The following RPS6KB1 variants were observed in gnomAD, a reference collection of about 807,000 sequenced individuals.
RPS6KB1 encodes ribosomal protein S6 kinase beta-1.
In RPS6KB1, 12 loss-of-function variants were observed where a neutral mutation model predicts 70.2. The ratio of observed to expected loss-of-function variants is 0.17; its 90% CI spans 0.11 to 0.28. RPS6KB1 has a LOEUF of 0.28. RPS6KB1 is among the 10% of genes least tolerant of loss of function. The pLI is 1.00. For missense variants in RPS6KB1, 270 were observed against 646.6 expected (o/e 0.42, Z 6.32); for synonymous variants, 175 against 211.2 (o/e 0.83, Z 1.49).
intron 12 of RPS6KB1, among the ~76,000 whole-genome samples, chr17:59,939,134 AATAAT>A (rs545710599): frequency 3.7e-4 from 57 of 152,136 alleles, no homozygotes; most frequent in African/African-American, 1.3e-3. Flanking sequence ...TAGTTTTCAA[AATAAT>A]GAATTAGTTC....
intron 4 of RPS6KB1, among the ~76,000 whole-genome samples, chr17:59,918,776 T>C (rs2043107388): frequency 6.6e-6 from 1 of 152,108 alleles, no homozygotes; most frequent in South Asian, 2.1e-4. Context: ...TTTAGTCACT[T>C]TGTTCCATGT....
Position 59,930,173 on chromosome 17 carries a change from T to G in RPS6KB1, c.586T>G (p.Cys196Gly). Residue 196 changes from cysteine to glycine, a missense_variant and splice_region_variant, in exon 6 of 15, where the codon TGC becomes GGC. Around this residue, in one of 4 missense-constraint regions of RPS6KB1, gnomAD observed 21 missense variants for 135.9 expected, o/e 0.15. Coordinates refer to ENST00000225577, the MANE Select transcript of RPS6KB1 (RefSeq NM_003161.4). ...GGGAATATTTATGGAAGACACTGCC[T>G]GGTAAGTGAACTTTTTGTGGTTGCA... is the stretch of plus-strand genomic sequence containing the variant. The part of the protein sequence containing the change: ...REGIFMEDTA[C>G]FYLAEISMAL... 1 of 1,517,890 alleles carries G rather than the reference T, an allele frequency of 6.6e-7. No homozygotes were observed. Among genetic ancestry groups the G allele is most frequent in the Non-Finnish European group, 9.2e-7 (1 of 1,092,336 alleles). 94.0% of individuals were successfully genotyped at this position (1,517,890 alleles called of 1,614,324 possible). A position where few individuals can be genotyped will look rare whatever the true frequency, so the allele number is the denominator to read the frequency against.
Position 59,893,233 on chromosome 17 carries a change from C to T in RPS6KB1, c.49C>T (p.Arg17Ter), listed in dbSNP as rs1231145816. Residue 17 changes from arginine to a stop codon, truncating the protein, a stop_gained, in exon 1 of 15, where the codon CGA becomes TGA. Transcript: ENST00000225577. LOFTEE classifies it high-confidence loss of function. The surrounding 1 kb of genome is among the most constrained non-coding windows in gnomAD (Gnocchi z 4.1). ...CGGCTTTTACCCAGCCCCGGACTTC[C>T]GAGACAGGGAAGCTGAGGACATGGC... is the stretch of plus-strand genomic sequence containing the variant. ...RDGFYPAPDF[R>*]DREAEDMAGV... The T allele has an allele frequency of 7.4e-6, 12 of 1,612,332 alleles. No individual in the cohort carries two copies. The highest frequency in any genetic ancestry group is 1.0e-5 in the Non-Finnish European group (12 of 1,179,430).
intron 1 of RPS6KB1, among the ~76,000 whole-genome samples, chr17:59,895,700 T>G (rs8070087): frequency 0.042 from 6,382 of 152,046 alleles, 465 homozygotes; most frequent in African/African-American, 0.15. Flanking sequence ...TGGCCTGATC[T>G]CGGCTCACTG....
At chr17:59,943,795 G>A (rs954333139) in intron 13 of RPS6KB1, among the ~76,000 whole-genome samples, 5 of 150,674 alleles carry the variant, frequency 3.3e-5, no homozygotes, top group Admixed American at 6.6e-5. Flanking sequence ...GCTTGAACCC[G>A]GGAGGAGGAG....
intron 1 of RPS6KB1, among the ~76,000 whole-genome samples, chr17:59,902,503 C>T (rs1356800999): frequency 2.6e-5 from 4 of 151,576 alleles, no homozygotes; most frequent in African/African-American, 4.8e-5. Flanking sequence ...TTTGTTTATC[C>T]ATTTACCGGT....
chr17:59,915,502 G>C (rs1377737748), intron 4 of RPS6KB1, among the ~76,000 whole-genome samples: 2 of 151,774 alleles, frequency 1.3e-5, no homozygotes, highest in Non-Finnish European at 2.9e-5. Flanking sequence ...CTCTCACTCT[G>C]TTGTCCAGGC....
At chr17:59,936,304 G>T (rs1455928871) in intron 11 of RPS6KB1, 27 bp downstream of exon 11, 1 of 1,581,324 alleles carries the variant, frequency 6.3e-7, no homozygotes, top group African/African-American at 1.4e-5. Flanking sequence ...TTGGTGTTTT[G>T]TGGGGAAGAT....
At chr17:59,896,016 G>A (rs1313760314) in intron 1 of RPS6KB1, among the ~76,000 whole-genome samples, 1 of 152,130 alleles carries the variant, frequency 6.6e-6, no homozygotes. Flanking sequence ...GTTACAATTG[G>A]AAACAAATAT....
intron 5 of RPS6KB1, among the ~76,000 whole-genome samples, chr17:59,928,297 C>T (rs2043739980): frequency 6.6e-6 from 1 of 151,996 alleles, no homozygotes; most frequent in South Asian, 2.1e-4. Flanking sequence ...TGCATGCATA[C>T]ATAATTGTTT....
chr17:59,925,518 T>C (rs1307387525), intron 4 of RPS6KB1, among the ~76,000 whole-genome samples: 2 of 152,204 alleles, frequency 1.3e-5, no homozygotes, highest in East Asian at 1.9e-4. Flanking sequence ...CATTTTCTTA[T>C]AGATCTTCTT....
intron 4 of RPS6KB1, among the ~76,000 whole-genome samples, chr17:59,919,744 CTG>C (rs1343992239): frequency 6.6e-6 from 1 of 151,936 alleles, no homozygotes; most frequent in Non-Finnish European, 1.5e-5. Context: ...CCTTTTTGGT[CTG>C]TCTGTTCCTT....
Position 59,949,874 on chromosome 17 carries a change from A to G in RPS6KB1, c.*3086A>G, listed in dbSNP as rs993316346. On this transcript the variant is annotated 3_prime_UTR_variant, in exon 15 of 15. Coordinates refer to ENST00000225577, the MANE Select transcript of RPS6KB1 (RefSeq NM_003161.4). The stretch of plus-strand genomic sequence containing the variant: ...TACTGAGCCTTGGATTATATATTTA[A>G]TATAGGACCTATTTTGAATATTCAG... 12 of 152,528 alleles carry G rather than the reference A, an allele frequency of 7.9e-5. No individual in the cohort carries two copies. Among genetic ancestry groups the G allele is most frequent in the Admixed American group, 5.9e-4 (9 of 15,264 alleles). 9.4% of individuals were successfully genotyped at this position (152,528 alleles called of 1,614,324 possible). A position where few individuals can be genotyped will look rare whatever the true frequency, so the allele number is the denominator to read the frequency against.
chr17:59,902,578 C>CTTTTTTTTT, intron 1 of RPS6KB1, among the ~76,000 whole-genome samples: 1 of 134,352 alleles, frequency 7.4e-6, no homozygotes, highest in Non-Finnish European at 1.6e-5. Context: ...TTTTTTGTTT[C>CTTTTTTTTT]TTTTTTTTTT....
intron 1 of RPS6KB1, among the ~76,000 whole-genome samples, chr17:59,902,578 C>CTTTTTTTT (rs559757964): frequency 1.5e-5 from 2 of 134,350 alleles, no homozygotes. Context: ...TTTTTTGTTT[C>CTTTTTTTT]TTTTTTTTTT....
At chr17:59,911,940 A>G (rs2042669045) in intron 2 of RPS6KB1, among the ~76,000 whole-genome samples, 1 of 152,128 alleles carries the variant, frequency 6.6e-6, no homozygotes, top group African/African-American at 2.4e-5. Flanking sequence ...AGATACAGAG[A>G]AGAAGTTTTG....
At chr17:59,916,291 C>T (rs1304203114) in intron 4 of RPS6KB1, among the ~76,000 whole-genome samples, 6 of 151,516 alleles carry the variant, frequency 4.0e-5, no homozygotes, top group Non-Finnish European at 5.9e-5. Flanking sequence ...AGTAGAGATG[C>T]GGTTTCGCCA....
intron 4 of RPS6KB1, among the ~76,000 whole-genome samples, chr17:59,916,908 G>T (rs1446027912): frequency 1.3e-5 from 2 of 151,860 alleles, no homozygotes; most frequent in Non-Finnish European, 2.9e-5. Flanking sequence ...TTACTTGATT[G>T]TTTATGTTAT....
At chr17:59,897,662 A>G (rs939101971) in intron 1 of RPS6KB1, among the ~76,000 whole-genome samples, 5 of 152,134 alleles carry the variant, frequency 3.3e-5, no homozygotes, top group Admixed American at 6.6e-5. Flanking sequence ...TCTGCCACCT[A>G]ACTTAAAAAA....
Sources: allele counts gnomAD v4.1 joint callset (sites outside exome capture counted in the v4.1 genomes callset), GRCh38; gene constraint gnomAD v4.1.1; regional missense constraint gnomAD v4.1.1; non-coding constraint Gnocchi (gnomAD v3.1); transcripts MANE v1.5; gene names NCBI Gene and HGNC (gene_info 2026-07-23, HGNC 2026-07-21).